BMP1: variants seen among roughly 807,000 people sequenced by gnomAD.
BMP1 encodes mammalian tolloid protein.
A neutral mutation model predicts 116.8 loss-of-function variants in BMP1; 63 were observed. The observed-to-expected ratio is 0.54, with a 90% CI of 0.44 to 0.67. BMP1 has a LOEUF of 0.67. Among genes scored for constraint, BMP1 ranks in the 30% least tolerant of loss-of-function variants. BMP1 has a pLI of 0.00. For missense variants in BMP1, 1,183 were observed against 1,358.9 expected, an observed-to-expected ratio of 0.87 and a Z score of 2.04; for synonymous variants, 536 against 533.4, an observed-to-expected ratio of 1.00 and a Z score of -0.07.
chr8:22,195,043 C>A, intron 12 of BMP1, 124 bp downstream of exon 12: 1 of 1,079,892 alleles, frequency 9.3e-7, no homozygotes, highest in Non-Finnish European at 1.3e-6. Flanking sequence ...CAGGGCTGTG[C>A]CCTTAAGGAG....
intron 19 of BMP1, 139 bp from the exon 20 acceptor site, chr8:22,211,455 G>A (rs1829460396): frequency 2.5e-6 from 3 of 1,218,580 alleles, no homozygotes; most frequent in Admixed American, 2.0e-5. Flanking sequence ...CCAGCAAGAA[G>A]CCCTATGCTT....
chr8:22,169,601 A>G (rs556803939), intron 1 of BMP1: 2 of 152,390 alleles, frequency 1.3e-5, no homozygotes, highest in East Asian at 1.9e-4. Context: ...AAGTGTTCAC[A>G]TGTGATGAAG....
chr8:22,173,797 C>T, intron 2 of BMP1, 82 bp downstream of exon 2: 4 of 1,093,036 alleles, frequency 3.7e-6, no homozygotes, highest in Non-Finnish European at 5.2e-6. Flanking sequence ...CTGTTCCCAG[C>T]CAGGCCCTCC....
intron 13 of BMP1, chr8:22,196,427 T>G: frequency 1.7e-6 from 1 of 600,844 alleles, no homozygotes. Context: ...GGCCTGTTCA[T>G]TTGCAGAGAA....
intron 16 of BMP1, among the ~76,000 whole-genome samples, chr8:22,205,105 A>G (rs901616208): frequency 1.3e-5 from 2 of 152,178 alleles, no homozygotes; most frequent in Admixed American, 6.5e-5. Context: ...GTGGGTTTGC[A>G]GGTCGGAGTC....
intron 15 of BMP1, chr8:22,201,269 G>T (rs1415217489): frequency 1.9e-6 from 3 of 1,549,410 alleles, no homozygotes; most frequent in Non-Finnish European, 2.6e-6. Context: ...TGGGATGGGG[G>T]CTTCGGTGCC....
rs1260102897 is a variant in BMP1 at position 22,192,171 on chromosome 8, C to T, written c.1180+20C>T. On this transcript the variant is annotated intron_variant, in intron 9 of 19. Coordinates refer to ENST00000306385, the MANE Select transcript of BMP1 (RefSeq NM_006129.5). ...TCCGAGGTAACGGCACCAGCCACCCCCTGCCCCCTCCATGCTGATTCCCTC... is the reference window on the plus strand; with the variant it reads ...TCCGAGGTAACGGCACCAGCCACCCTCTGCCCCCTCCATGCTGATTCCCTC... 3.8e-6 allele frequency: 6 copies of T among 1,593,218 alleles called. No individual in the cohort carries two copies. Among genetic ancestry groups the T allele is most frequent in the African/African-American group, 1.3e-5 (1 of 74,568 alleles).
chr8:22,195,957 C>G (rs1268441612), intron 13 of BMP1, among the ~76,000 whole-genome samples: 2 of 152,084 alleles, frequency 1.3e-5, no homozygotes, highest in African/African-American at 4.8e-5. Flanking sequence ...TTCTTATGCC[C>G]TTGGACAGAC....
intron 15 of BMP1, chr8:22,198,911 G>A: frequency 8.3e-7 from 1 of 1,197,824 alleles, no homozygotes; most frequent in Non-Finnish European, 1.1e-6. Context: ...GGACTCCTAA[G>A]AGGTGCTCAC....
chr8:22,205,404 C>G (rs1256255544), intron 16 of BMP1, among the ~76,000 whole-genome samples: 1 of 152,004 alleles, frequency 6.6e-6, no homozygotes, highest in African/African-American at 2.4e-5. Context: ...GGTGGTCAGC[C>G]CTGCAGTCAG....
Position 22,195,449 on chromosome 8 carries a change from C to G in BMP1, c.1640-13C>G. 4 of 1,593,352 alleles carry G rather than the reference C, an allele frequency of 2.5e-6. No individual in the cohort carries two copies. Among genetic ancestry groups the G allele is most frequent in the Non-Finnish European group, 3.4e-6 (4 of 1,173,026 alleles). ...TGCCTGGAGTCTGTGACACCCTTTC[C>G]TTCCCACCACAGAGGTGGACGAGTG... is the stretch of plus-strand genomic sequence containing the variant. On this transcript the variant is annotated splice_polypyrimidine_tract_variant and intron_variant, in intron 12 of 19. Transcript: ENST00000306385.
At chr8:22,207,922 C>T (rs1453278303) in intron 18 of BMP1, among the ~76,000 whole-genome samples, 1 of 151,922 alleles carries the variant, frequency 6.6e-6, no homozygotes, top group East Asian at 1.9e-4. Context: ...CTTGCTCTGT[C>T]GCCCAGGCTG....
At position 22,194,407 on chromosome 8, in the gene BMP1, C is replaced by T. The variant is rs776230596; in HGVS notation, c.1298-38C>T. 1.2e-6 allele frequency: 2 copies of T among 1,611,504 alleles called. No individual in the cohort carries two copies. The highest frequency in any genetic ancestry group is 1.7e-6 in the Non-Finnish European group (2 of 1,178,520). The stretch of plus-strand genomic sequence containing the variant: ...TCCCTAGCAGGGCAAAGCATGCTGA[C>T]TCACCACCCCTTCCCACCCCATCCT... On this transcript the variant is annotated intron_variant, in intron 10 of 19. Coordinates refer to ENST00000306385, the MANE Select transcript of BMP1 (RefSeq NM_006129.5). The surrounding 1 kb of genome is among the most constrained non-coding windows in gnomAD (Gnocchi z 4.5).
At chr8:22,201,017 C>T in intron 15 of BMP1, 1 of 599,002 alleles carries the variant, frequency 1.7e-6, no homozygotes, top group Non-Finnish European at 2.8e-6. Flanking sequence ...CTCAGATCCA[C>T]CTCAGAGGCC....
chr8:22,199,496 C>T (rs1829196754), intron 15 of BMP1: 2 of 1,071,926 alleles, frequency 1.9e-6, no homozygotes, highest in South Asian at 3.6e-5. Flanking sequence ...GCCCCGGACA[C>T]TGAAGCAGCC....
chr8:22,200,580 G>A (rs954734575), intron 15 of BMP1, among the ~76,000 whole-genome samples: 4 of 152,182 alleles, frequency 2.6e-5, no homozygotes, highest in African/African-American at 9.7e-5. Context: ...GTGTCTGTGC[G>A]TGTGTGGGTA....
intron 15 of BMP1, among the ~76,000 whole-genome samples, chr8:22,197,888 A>G (rs1033648794): frequency 6.6e-6 from 1 of 152,186 alleles, no homozygotes; most frequent in African/African-American, 2.4e-5. Context: ...TGGGGCCTTC[A>G]GAAAGATGAG....
At chr8:22,200,298 G>A (rs1005592200) in intron 15 of BMP1, among the ~76,000 whole-genome samples, 1 of 152,212 alleles carries the variant, frequency 6.6e-6, no homozygotes, top group African/African-American at 2.4e-5. Context: ...TGAGCCATCT[G>A]CTGATGAGCT....
At chr8:22,200,402 C>T (rs184028195) in intron 15 of BMP1, among the ~76,000 whole-genome samples, 1 of 152,124 alleles carries the variant, frequency 6.6e-6, no homozygotes. Flanking sequence ...GTGTCTGTGC[C>T]TGTGTGTGCG....
Sources: gnomAD v4.1 joint callset for allele counts (sites outside exome capture counted in the v4.1 genomes callset) on GRCh38, gnomAD v4.1.1 for gene constraint, Gnocchi (gnomAD v3.1) non-coding constraint, MANE v1.5 for transcripts, NCBI Gene and HGNC (gene_info 2026-07-23, HGNC 2026-07-21) for gene names.